Variants in POU6F1 observed in about 807,000 individuals in gnomAD.
The protein encoded by POU6F1 is POU class 6 homeobox 1.
In POU6F1, 9 loss-of-function variants were observed where a neutral mutation model predicts 28.9. The observed-to-expected ratio is 0.31, with a 90% CI of 0.19 to 0.54. The LOEUF (loss-of-function observed/expected upper bound fraction) is 0.54. Among genes scored for constraint, POU6F1 ranks in the 20% least tolerant of loss-of-function variants. The pLI, the probability that POU6F1 is intolerant of heterozygous loss-of-function variation, is 0.94. For missense variants in POU6F1, 338 were observed against 426.1 expected, an observed-to-expected ratio of 0.79 and a Z score of 1.82; for synonymous variants, 173 against 171.1, an observed-to-expected ratio of 1.01 and a Z score of -0.09.
chr12:51,212,121 T>G (rs1944038296), intron 1 of POU6F1, among the ~76,000 whole-genome samples: 1 of 151,762 alleles, frequency 6.6e-6, no homozygotes, highest in Non-Finnish European at 1.5e-5. Flanking sequence ...TGAGACGGAG[T>G]CTGGCTCTGT....
In POU6F1 at chr12:51,206,864, C is replaced by T. The variant is rs777242473; in HGVS notation, c.-28G>A. ...TCACTTGTCAGGGTCGGGTGGGGGC[C>T]GGCCCACACCTAGCACATCCTGGGT... On this transcript the variant is annotated 5_prime_UTR_variant, in exon 2 of 11. Transcript: ENST00000333640. 1.6e-4 allele frequency: 62 copies of T among 398,734 alleles called. No individual in the cohort carries two copies. Among genetic ancestry groups the T allele is most frequent in the South Asian group, 2.6e-4 (2 of 7,836 alleles). 24.7% of individuals were successfully genotyped at this position (398,734 alleles called of 1,614,324 possible).
intron 3 of POU6F1, among the ~76,000 whole-genome samples, chr12:51,200,209 A>T (rs1450790990): frequency 6.6e-6 from 1 of 152,158 alleles, no homozygotes; most frequent in Admixed American, 6.5e-5. Context: ...GAGGAGTCTG[A>T]AGCACACGTG....
intron 3 of POU6F1, among the ~76,000 whole-genome samples, chr12:51,202,980 T>C (rs10735832): frequency 0.6 from 91,416 of 151,852 alleles, 28,644 homozygotes; most frequent in Non-Finnish European, 0.71. Context: ...TTCTTAATAC[T>C]GCACACCTAG....
At chr12:51,203,692 T>C (rs1444275890) in intron 3 of POU6F1, among the ~76,000 whole-genome samples, 1 of 151,846 alleles carries the variant, frequency 6.6e-6, no homozygotes, top group Non-Finnish European at 1.5e-5. Flanking sequence ...AGATCTCCAG[T>C]CAAGGGAAGG....
chr12:51,204,169 G>A lies in POU6F1; in HGVS notation c.244+4C>T, dbSNP rs1016311155. 4.3e-5 allele frequency: 17 copies of A among 398,982 alleles called. No individual in the cohort carries two copies. Among genetic ancestry groups the A allele is most frequent in the Non-Finnish European group, 3.1e-5 (7 of 226,192 alleles). The allele number at this position is 398,982 out of a possible 1,614,324, so 24.7% of individuals were successfully genotyped here. ...AGTACCAGGTGGGGGTGATGGCCTC[G>A]TACCAGTTGCCTCTGCAGAGGAGCC... On this transcript the variant is annotated splice_donor_region_variant and intron_variant, in intron 3 of 10. Coordinates refer to ENST00000333640, the MANE Select transcript of POU6F1 (RefSeq NM_001330422.2).
chr12:51,199,175 TGGAACCAAG>T lies in POU6F1; in HGVS notation c.367-409_367-401del, dbSNP rs1188057588. Among the ~76,000 whole-genome samples the T allele has an allele frequency of 1.7e-5, 2 of 114,286 alleles. No individual in the cohort carries two copies. Among genetic ancestry groups the T allele is most frequent in the Non-Finnish European group, 3.5e-5 (2 of 57,798 alleles). The allele number at this position is 114,286 out of a possible 152,430, so 75.0% of individuals were successfully genotyped here. A position where few individuals can be genotyped will look rare whatever the true frequency, so the allele number is the denominator to read the frequency against. ...GTGGTCAAGGCCCCGCAGAGGCTAA[TGGAACCAAG>T]TGGTCAAGGCCCCGCAGAGGCTAAT... On this transcript the variant is annotated intron_variant, in intron 4 of 10. Transcript: ENST00000333640. This position sits in a 1 kb window ranked among gnomAD's most constrained non-coding sequence, Gnocchi z 4.1.
At chr12:51,205,283 G>T (rs552778000) in intron 2 of POU6F1, among the ~76,000 whole-genome samples, 1 of 151,430 alleles carries the variant, frequency 6.6e-6, no homozygotes, top group Non-Finnish European at 1.5e-5. Context: ...CTCGTGATCC[G>T]CCCACCTCGG....
intron 1 of POU6F1, among the ~76,000 whole-genome samples, chr12:51,215,127 G>C (rs1435159874): frequency 6.6e-6 from 1 of 152,074 alleles, no homozygotes; most frequent in Non-Finnish European, 1.5e-5. Flanking sequence ...GAAAACAATT[G>C]AAGATACGAG....
chr12:51,205,873 C>T (rs1353359731), intron 2 of POU6F1, among the ~76,000 whole-genome samples: 5 of 142,516 alleles, frequency 3.5e-5, no homozygotes, highest in Non-Finnish European at 7.5e-5. Flanking sequence ...GGCTGGAGTT[C>T]AGTGGCGCGA....
chr12:51,194,010 T>G (rs1027217503), intron 8 of POU6F1, among the ~76,000 whole-genome samples: 6 of 152,144 alleles, frequency 3.9e-5, no homozygotes, highest in Non-Finnish European at 7.4e-5. Context: ...AGTCCAGTTC[T>G]TGACACCATG....
intron 3 of POU6F1, among the ~76,000 whole-genome samples, chr12:51,203,353 C>T (rs1159942288): frequency 6.6e-6 from 1 of 152,150 alleles, no homozygotes. Context: ...GAAGGAGTGG[C>T]AGAGATGCAG....
chr12:51,191,540 C>T (rs770379242), intron 10 of POU6F1, 56 bp downstream of exon 10: 20 of 1,568,488 alleles, frequency 1.3e-5, no homozygotes, highest in Middle Eastern at 2.3e-4. Context: ...CATGAGTGCC[C>T]GGTGGCACCA....
intron 8 of POU6F1, among the ~76,000 whole-genome samples, chr12:51,192,887 A>C (rs1942528791): frequency 6.6e-6 from 1 of 151,838 alleles, no homozygotes; most frequent in Non-Finnish European, 1.5e-5. Flanking sequence ...ACTGGGCGAC[A>C]GAGTGAGACT....
intron 1 of POU6F1, among the ~76,000 whole-genome samples, chr12:51,208,484 G>A (rs80170585): frequency 5.9e-5 from 9 of 152,274 alleles, no homozygotes; most frequent in East Asian, 3.9e-4. Flanking sequence ...ATTATTATCC[G>A]CATGTTACAG....
chr12:51,214,873 C>T (rs1019810282), intron 1 of POU6F1, among the ~76,000 whole-genome samples: 6 of 151,678 alleles, frequency 4.0e-5, no homozygotes, highest in Admixed American at 6.6e-5. Flanking sequence ...GCCAGAGAAT[C>T]GCTTGAGCCC....
rs777879447 is a variant in POU6F1 at position 51,190,483 on chromosome 12, T to A, written c.1600A>T (p.Met534Leu). The A allele has an allele frequency of 6.2e-7, 1 of 1,614,036 alleles. No homozygotes were observed. Among genetic ancestry groups the A allele is most frequent in the South Asian group, 1.1e-5 (1 of 91,070 alleles). ...LRNQEGQQNLMEFVGGEPSKK... is the reference protein window; with the variant it reads ...LRNQEGQQNLLEFVGGEPSKK... ...GAGGGCTCGCCTCCCACAAACTCCATCAGGTTCTGCTGGCCTTCCTGGTTC... is the reference window on the plus strand; with the variant it reads ...GAGGGCTCGCCTCCCACAAACTCCAACAGGTTCTGCTGGCCTTCCTGGTTC... The change falls in exon 11 of 11, where the codon ATG becomes TTG. Residue 534 changes from methionine to leucine, a missense_variant. By Grantham distance (15) the Met-to-Leu change is conservative. This residue lies in a region of POU6F1 where 126 missense variants were observed against 176.5 expected (regional missense o/e 0.71). Coordinates refer to ENST00000333640, the MANE Select transcript of POU6F1 (RefSeq NM_001330422.2). The surrounding 1 kb of genome is among the most constrained non-coding windows in gnomAD (Gnocchi z 4.5).
chr12:51,208,161 C>A (rs914582186), intron 1 of POU6F1, among the ~76,000 whole-genome samples: 13 of 150,868 alleles, frequency 8.6e-5, no homozygotes, highest in Admixed American at 3.3e-4. Flanking sequence ...TGCCTATAGT[C>A]CCAGCTACTC....
Position 51,199,865 on chromosome 12 carries a change from T to C in POU6F1, c.248A>G (p.Lys83Arg). The C allele has an allele frequency of 5.0e-6, 2 of 399,356 alleles. No individual in the cohort carries two copies. Among genetic ancestry groups the C allele is most frequent in the Non-Finnish European group, 8.8e-6 (2 of 226,222 alleles). The allele number at this position is 399,356 out of a possible 1,614,324, so 24.7% of individuals were successfully genotyped here. A position where few individuals can be genotyped will look rare whatever the true frequency, so the allele number is the denominator to read the frequency against. Residue 83 changes from lysine (K) to arginine (R), a missense_variant, in exon 4 of 11, where the codon AAG (lysine) becomes AGG (arginine). Physicochemically the swap from Lys to Arg is conservative, Grantham distance 26. Transcript: ENST00000333640. This position sits in a 1 kb window ranked among gnomAD's most constrained non-coding sequence, Gnocchi z 4.1. ...GCTCGGAGGGATCCCCGGGGGTGAC[T>C]TCACTTCACAAGGCATTGAGAGAAA... ...NLGSSAEATV[K>R]SPPGIPPSPA...
rs533312554 is a variant in POU6F1, at chr12:51,188,466, G to A, written c.*1781C>T. The A allele has an allele frequency of 6.6e-6, 1 of 152,406 alleles. No homozygotes were observed. Among genetic ancestry groups the A allele is most frequent in the Non-Finnish European group, 1.5e-5 (1 of 68,056 alleles). The allele number at this position is 152,406 out of a possible 1,614,324, so 9.4% of individuals were successfully genotyped here. A position where few individuals can be genotyped will look rare whatever the true frequency, so the allele number is the denominator to read the frequency against. On this transcript the variant is annotated 3_prime_UTR_variant, in exon 11 of 11. Transcript: ENST00000333640. ...TGCTACACTCTGGCAGGCATGGTTTGTCCAAATGCAGCAGAGCGTGTATGT... is the reference window on the plus strand; with the variant it reads ...TGCTACACTCTGGCAGGCATGGTTTATCCAAATGCAGCAGAGCGTGTATGT...
Sources: allele counts gnomAD v4.1 joint callset (sites outside exome capture counted in the v4.1 genomes callset), GRCh38; gene constraint gnomAD v4.1.1; regional missense constraint gnomAD v4.1.1; non-coding constraint Gnocchi (gnomAD v3.1); transcripts MANE v1.5; gene names NCBI Gene and HGNC (gene_info 2026-07-23, HGNC 2026-07-21).